Variants in GPC5 observed in about 807,000 individuals in gnomAD.
The protein encoded by GPC5 is glypican 5, also known as glypican-5.
In GPC5, 47 loss-of-function variants were observed where a neutral mutation model predicts 53.9. The ratio of observed to expected loss-of-function variants is 0.87; its 90% confidence interval spans 0.69 to 1.11. The LOEUF (loss-of-function observed/expected upper bound fraction) is 1.11, where lower values mean the gene tolerates loss of function less well. GPC5 is among the 50% of genes most tolerant of loss of function. The pLI, the probability that GPC5 is intolerant of heterozygous loss-of-function variation, is 0.00. For missense variants in GPC5, 748 were observed against 713.1 expected (o/e 1.05, Z -0.56); for synonymous variants, 286 against 263.3 (o/e 1.09, Z -0.84).
intron 6 of GPC5, among the ~76,000 whole-genome samples, chr13:91,971,094 C>T (rs1407090451): frequency 6.6e-6 from 1 of 152,138 alleles, no homozygotes; most frequent in African/African-American, 2.4e-5. Context: ...TCCATCTGGT[C>T]CTGGACTTTT....
chr13:91,647,089 GT>G (rs2034578199), intron 2 of GPC5, among the ~76,000 whole-genome samples: 4 of 98,282 alleles, frequency 4.1e-5, no homozygotes, highest in African/African-American at 1.5e-4. Flanking sequence ...GTGTGTGTGT[GT>G]GTGTGTGTGT....
chr13:91,820,162 A>G (rs781459272), intron 5 of GPC5, among the ~76,000 whole-genome samples: 9 of 152,018 alleles, frequency 5.9e-5, no homozygotes, highest in African/African-American at 1.2e-4. Context: ...TTAAAAAAAT[A>G]TATTCTCTTA....
intron 1 of GPC5, among the ~76,000 whole-genome samples, chr13:91,435,504 G>A (rs1013490685): frequency 5.9e-5 from 9 of 152,146 alleles, no homozygotes; most frequent in Non-Finnish European, 1.3e-4. Flanking sequence ...ATTTGCGTAT[G>A]TTGAACCAGC....
intron 2 of GPC5, among the ~76,000 whole-genome samples, chr13:91,689,842 T>A (rs1344281828): frequency 6.6e-6 from 1 of 151,960 alleles, no homozygotes; most frequent in Non-Finnish European, 1.5e-5. Context: ...GGCTTTATGG[T>A]TAACTTAAAA....
chr13:91,809,630 CT>C (rs2038278513), intron 5 of GPC5, among the ~76,000 whole-genome samples: 1 of 152,054 alleles, frequency 6.6e-6, no homozygotes. Context: ...TTATTTTCCT[CT>C]CTTATCTCCC....
chr13:92,607,245 T>G (rs1884287673), intron 7 of GPC5, among the ~76,000 whole-genome samples: 1 of 152,182 alleles, frequency 6.6e-6, no homozygotes, highest in South Asian at 2.1e-4. Context: ...TGTAAAGCTC[T>G]CTTTCCTGTT....
intron 6 of GPC5, among the ~76,000 whole-genome samples, chr13:91,970,060 A>G (rs1173453118): frequency 6.6e-6 from 1 of 152,208 alleles, no homozygotes; most frequent in Non-Finnish European, 1.5e-5. Context: ...TGTGCTAGAT[A>G]CACACAATGG....
At chr13:91,715,106 A>T (rs1172681166) in intron 3 of GPC5, among the ~76,000 whole-genome samples, 2 of 152,202 alleles carry the variant, frequency 1.3e-5, no homozygotes, top group Non-Finnish European at 2.9e-5. Flanking sequence ...TCATCTGGTC[A>T]TGGCTGTGGA....
At chr13:92,808,184 T>A (rs1408074382) in intron 7 of GPC5, among the ~76,000 whole-genome samples, 1 of 152,056 alleles carries the variant, frequency 6.6e-6, no homozygotes, top group Non-Finnish European at 1.5e-5. Context: ...ACAAGTTTTA[T>A]TATAAACATC....
In GPC5 at chr13:91,693,589, A is replaced by G. The variant is rs1405818714; in HGVS notation, c.728A>G (p.His243Arg). Residue 243 changes from histidine to arginine, a missense_variant, in exon 3 of 8, where the codon CAC becomes CGC. Transcript: ENST00000377067. Reference sequence around the variant, plus strand: ...GTCATCAACACCACAGACTATCTGCACTTCTCCAAAGAGTGCAGCAGAGCC... The same window carrying G: ...GTCATCAACACCACAGACTATCTGCGCTTCTCCAAAGAGTGCAGCAGAGCC... The part of the protein sequence containing the change: ...IEVINTTDYL[H>R]FSKECSRALL... 1.9e-6 allele frequency: 3 copies of G among 1,614,144 alleles called. No individual in the cohort carries two copies. The highest frequency in any genetic ancestry group is 2.5e-6 in the Non-Finnish European group (3 of 1,180,030).
Position 91,807,327 on chromosome 13 carries a change from T to G in GPC5, c.1280+50907T>G, listed in dbSNP as rs185214731. On this transcript the variant is annotated intron_variant, in intron 5 of 7. Transcript: ENST00000377067. Reference sequence around the variant, plus strand: ...AATTACCACAAAAATTTTGTTCATATGAAAAGATGACCTAATGAATGATAA... The same window carrying G: ...AATTACCACAAAAATTTTGTTCATAGGAAAAGATGACCTAATGAATGATAA... 2.9e-3 allele frequency among the ~76,000 whole-genome samples: 435 copies of G among 152,288 alleles called. 1 individual carries two copies. The highest frequency in any genetic ancestry group is 5.1e-3 in the Non-Finnish European group (345 of 68,000).
At chr13:92,768,254 T>C (rs1384918619) in intron 7 of GPC5, among the ~76,000 whole-genome samples, 1 of 152,202 alleles carries the variant, frequency 6.6e-6, no homozygotes, top group Non-Finnish European at 1.5e-5. Context: ...TTTTGGTGAT[T>C]ATTGATATCT....
chr13:91,926,063 A>G (rs1438911950), intron 6 of GPC5, among the ~76,000 whole-genome samples: 1 of 152,008 alleles, frequency 6.6e-6, no homozygotes, highest in Non-Finnish European at 1.5e-5. Context: ...ATTCTGCATT[A>G]AAAAATCTAT....
At position 91,981,391 on chromosome 13, in the gene GPC5, G is replaced by A. The variant is rs563527290; in HGVS notation, c.1401+73334G>A. ...TGCAAGCTCCGCCTCCCGGGTTCACGCCATTCTCCTGCCTCAGCCTCCCAA... is the reference window on the plus strand; with the variant it reads ...TGCAAGCTCCGCCTCCCGGGTTCACACCATTCTCCTGCCTCAGCCTCCCAA... On this transcript the variant is annotated intron_variant, in intron 6 of 7. Coordinates refer to ENST00000377067, the MANE Select transcript of GPC5 (RefSeq NM_004466.6). Among the ~76,000 whole-genome samples, 10 of 151,644 alleles carry A rather than the reference G, an allele frequency of 6.6e-5. No individual in the cohort carries two copies. In the East Asian group the frequency reaches 2.0e-3, roughly 30 times the overall value.
chr13:92,856,545 A>T (rs938956461), intron 7 of GPC5, among the ~76,000 whole-genome samples: 2 of 152,112 alleles, frequency 1.3e-5, no homozygotes, highest in East Asian at 3.9e-4. Context: ...AAGTCAAATT[A>T]TCTCTCTTTG....
intron 6 of GPC5, among the ~76,000 whole-genome samples, chr13:91,970,513 A>G (rs2139090061): frequency 6.6e-6 from 1 of 152,196 alleles, no homozygotes; most frequent in Middle Eastern, 3.4e-3. Flanking sequence ...TGTGATAGTC[A>G]TTTCACAGTA....
At chr13:92,142,371 A>G (rs1220241263) in intron 6 of GPC5, among the ~76,000 whole-genome samples, 4 of 152,150 alleles carry the variant, frequency 2.6e-5, no homozygotes, top group African/African-American at 4.8e-5. Flanking sequence ...GTTAAGGTGG[A>G]AAATCTTGGT....
intron 6 of GPC5, among the ~76,000 whole-genome samples, chr13:91,976,157 A>G (rs1389297164): frequency 1.3e-5 from 2 of 152,178 alleles, no homozygotes; most frequent in African/African-American, 2.4e-5. Flanking sequence ...GCATTAGGAG[A>G]TATACCTAAT....
At chr13:92,733,388 T>C (rs1000984731) in intron 7 of GPC5, among the ~76,000 whole-genome samples, 5 of 151,798 alleles carry the variant, frequency 3.3e-5, no homozygotes, top group African/African-American at 9.6e-5. Flanking sequence ...TGTTTTCAAA[T>C]AGTTTGTCTT....
Sources: allele counts gnomAD v4.1 joint callset (sites outside exome capture counted in the v4.1 genomes callset), GRCh38; gene constraint gnomAD v4.1.1; transcripts MANE v1.5; gene names NCBI Gene and HGNC (gene_info 2026-07-23, HGNC 2026-07-21).